The following DCDC1 variants were observed in gnomAD, a reference collection of about 807,000 sequenced individuals.
DCDC1 encodes the protein doublecortin domain-containing protein 1.
DCDC1 carries 200 observed loss-of-function variants against 178.3 expected under a neutral mutation model. The ratio of observed to expected loss-of-function variants is 1.12; its 90% CI spans 1.00 to 1.26. The LOEUF is 1.26. Ranked by LOEUF, DCDC1 falls within the 50% of genes most tolerant of loss-of-function variation. The pLI, the probability that DCDC1 is intolerant of heterozygous loss-of-function variation, is 0.00. For synonymous variants in DCDC1, 690 were observed against 604.8 expected (o/e 1.14, Z -2.07); for missense variants, 1,983 against 1,749.2 (o/e 1.13, Z -2.38).
intron 9 of DCDC1, among the ~76,000 whole-genome samples, chr11:31,166,563 A>G (rs1337538444): frequency 6.6e-6 from 1 of 152,208 alleles, no homozygotes; most frequent in Non-Finnish European, 1.5e-5. Flanking sequence ...TAGGAGTTGG[A>G]GAGAAAAGAT....
At chr11:30,900,048 T>C (rs1299728843) in intron 33 of DCDC1, among the ~76,000 whole-genome samples, 1 of 152,110 alleles carries the variant, frequency 6.6e-6, no homozygotes, top group Non-Finnish European at 1.5e-5. Context: ...TCATTTGTTA[T>C]TTTCTAATGT....
intron 20 of DCDC1, among the ~76,000 whole-genome samples, chr11:30,957,255 C>T (rs1045013618): frequency 6.6e-6 from 1 of 152,076 alleles, no homozygotes; most frequent in Non-Finnish European, 1.5e-5. Context: ...AAAAAGAACC[C>T]TCTCTACACC....
At chr11:31,030,416 TG>T (rs1953543343) in intron 20 of DCDC1, among the ~76,000 whole-genome samples, 1 of 151,732 alleles carries the variant, frequency 6.6e-6, no homozygotes, top group Admixed American at 6.6e-5. Context: ...TATTAGCGTG[TG>T]GGGGTGATGA....
chr11:31,288,702 T>C (rs1045666843), intron 7 of DCDC1, among the ~76,000 whole-genome samples: 5 of 151,896 alleles, frequency 3.3e-5, no homozygotes, highest in Admixed American at 6.6e-5. Flanking sequence ...TAATATTTTA[T>C]CATAAAAGAG....
At chr11:31,284,801 G>A (rs1171900256) in intron 7 of DCDC1, among the ~76,000 whole-genome samples, 2 of 151,950 alleles carry the variant, frequency 1.3e-5, no homozygotes, top group East Asian at 3.9e-4. Flanking sequence ...ACCATGCCCA[G>A]CTAATTTTTG....
chr11:31,232,224 T>A (rs1975858530), intron 9 of DCDC1, among the ~76,000 whole-genome samples: 1 of 152,218 alleles, frequency 6.6e-6, no homozygotes, highest in African/African-American at 2.4e-5. Flanking sequence ...TGAATTAATA[T>A]TTTTTAGAAA....
At chr11:31,343,067 G>A (rs563266588) in intron 1 of DCDC1, among the ~76,000 whole-genome samples, 1 of 152,170 alleles carries the variant, frequency 6.6e-6, no homozygotes, top group African/African-American at 2.4e-5. Flanking sequence ...GTAGTTCAAG[G>A]CCAGGTTGGA....
At chr11:31,052,647 A>C (rs1955334928) in intron 20 of DCDC1, among the ~76,000 whole-genome samples, 1 of 152,162 alleles carries the variant, frequency 6.6e-6, no homozygotes, top group Non-Finnish European at 1.5e-5. Context: ...AAATTACATC[A>C]AACACTCTCG....
chr11:30,906,867 C>T, intron 29 of DCDC1, 142 bp from the exon 30 acceptor site: 1 of 845,450 alleles, frequency 1.2e-6, no homozygotes, highest in East Asian at 2.9e-5. Context: ...TTAAATTTAG[C>T]ATAAATTTAG....
chr11:31,088,114 T>C (rs1352547049), intron 17 of DCDC1, among the ~76,000 whole-genome samples: 2 of 152,096 alleles, frequency 1.3e-5, no homozygotes, highest in Non-Finnish European at 2.9e-5. Context: ...CTTTATCTGA[T>C]ATTAATATAT....
intron 1 of DCDC1, among the ~76,000 whole-genome samples, chr11:31,340,442 T>C (rs578179241): frequency 5.3e-5 from 8 of 152,272 alleles, no homozygotes; most frequent in East Asian, 3.9e-4. Flanking sequence ...TGATGGGTAC[T>C]GTAATTGAGC....
At position 30,881,221 on chromosome 11, in the gene DCDC1, C is replaced by T; in HGVS notation, c.5170G>A (p.Asp1724Asn). ...ATGACCATATCTCGCTCTATGTCGT[C>T]CCAGGACTGAATTGGCTCTCCACTG... ...TPSGEPIQSW[D>N]DIERDMVICV... The change falls in exon 37 of 39, where the codon GAC becomes AAC. Residue 1724 changes from aspartate (D) to asparagine (N), a missense_variant. By Grantham distance (23) the Asp-to-Asn change is conservative (BLOSUM62 1). Transcript: ENST00000684477. The T allele has an allele frequency of 6.2e-7, 1 of 1,613,540 alleles. No homozygotes were observed. The highest frequency in any genetic ancestry group is 8.5e-7 in the Non-Finnish European group (1 of 1,179,626).
chr11:31,273,779 C>A (rs1267039193), intron 7 of DCDC1, among the ~76,000 whole-genome samples: 5 of 152,104 alleles, frequency 3.3e-5, no homozygotes, highest in African/African-American at 1.2e-4. Context: ...CAAGAATGGG[C>A]AATTTATAAA....
Position 31,017,889 on chromosome 11 carries a change from G to A in DCDC1, c.2591+46580C>T, listed in dbSNP as rs568975729. Among the ~76,000 whole-genome samples, 167 of 152,206 alleles carry A rather than the reference G, an allele frequency of 1.1e-3. 1 individual carries two copies. Among genetic ancestry groups the A allele is most frequent in the African/African-American group, 3.8e-3 (159 of 41,518 alleles). On this transcript the variant is annotated intron_variant, in intron 20 of 38. Transcript: ENST00000684477. ...TTTATAGGTGTGAGCCACCATGCCC[G>A]GCCTCACTAAATTATTATCATTAAA...
At position 31,328,106 on chromosome 11, in the gene DCDC1, A is replaced by G. The variant is rs1465064058; in HGVS notation, c.164+11T>C. On this transcript the variant is annotated intron_variant, in intron 3 of 38. Transcript: ENST00000684477. ...AGTATTTAGTTTAAGCTGCTGAAAT[A>G]ATGTTCTTACCTTGGTAAATCATTC... The G allele has an allele frequency of 1.3e-6, 2 of 1,585,594 alleles. No individual in the cohort carries two copies. The highest frequency in any genetic ancestry group is 2.3e-5 in the East Asian group (1 of 44,246).
intron 6 of DCDC1, among the ~76,000 whole-genome samples, chr11:31,293,250 C>T (rs145600345): frequency 6.2e-4 from 94 of 152,178 alleles, no homozygotes; most frequent in African/African-American, 1.9e-3. Flanking sequence ...ACAGAATCTA[C>T]TCAGAGTATT....
chr11:31,344,251 A>G (rs936839691), intron 1 of DCDC1, among the ~76,000 whole-genome samples: 1 of 152,228 alleles, frequency 6.6e-6, no homozygotes, highest in African/African-American at 2.4e-5. Flanking sequence ...TCTAAAGAAT[A>G]CGGATAAAGG....
At position 31,038,115 on chromosome 11, in the gene DCDC1, T is replaced by C. The variant is rs1954200247; in HGVS notation, c.2591+26354A>G. Among the ~76,000 whole-genome samples the C allele has an allele frequency of 2.6e-5, 4 of 151,388 alleles. No individual in the cohort carries two copies. In the South Asian group the frequency reaches 8.3e-4, roughly 32 times the overall value. ...GGATAGCATTAGGAGATATTCCTAATGTAAATGACGATTTAATGGGTGCAA... is the reference window on the plus strand; with the variant it reads ...GGATAGCATTAGGAGATATTCCTAACGTAAATGACGATTTAATGGGTGCAA... On this transcript the variant is annotated intron_variant, in intron 20 of 38. Transcript: ENST00000684477.
At chr11:31,180,891 T>C (rs183327118) in intron 9 of DCDC1, among the ~76,000 whole-genome samples, 1 of 152,040 alleles carries the variant, frequency 6.6e-6, no homozygotes, top group Admixed American at 6.5e-5. Flanking sequence ...GAAAGGGAAC[T>C]GAAGCCAGGG....
Sources: gnomAD v4.1 joint callset for allele counts (sites outside exome capture counted in the v4.1 genomes callset) on GRCh38, gnomAD v4.1.1 for gene constraint, MANE v1.5 for transcripts, NCBI Gene and HGNC (gene_info 2026-07-23, HGNC 2026-07-21) for gene names.